The following NEMP2 variants were observed in gnomAD, a reference collection of about 807,000 sequenced individuals.
NEMP2 encodes nuclear envelope integral membrane protein 2.
In NEMP2, 53 loss-of-function variants were observed where a neutral mutation model predicts 54.2. That is an observed-to-expected ratio of 0.98 (90% CI 0.78 to 1.23). The LOEUF (loss-of-function observed/expected upper bound fraction) is 1.23, where lower values mean the gene tolerates loss of function less well. Ranked by LOEUF, NEMP2 falls within the 50% of genes most tolerant of loss-of-function variation. The pLI, the probability that NEMP2 is intolerant of heterozygous loss-of-function variation, is 0.00. For synonymous variants in NEMP2, 197 were observed against 190.3 expected, an observed-to-expected ratio of 1.04 and a Z score of -0.29; for missense variants, 455 against 511.3, an observed-to-expected ratio of 0.89 and a Z score of 1.06.
At chr2:190,619,074 G>C in the NEMP2 span, among the ~76,000 whole-genome samples, 2 of 152,112 alleles carry the variant, frequency 1.3e-5, no homozygotes, top group Non-Finnish European at 2.9e-5. This position sits in a 1 kb window ranked among gnomAD's most constrained non-coding sequence, Gnocchi z 5.5. Context: ...AGCAGAATTG[G>C]ACTTGCTATT....
At chr2:190,429,227 C>CAT in the NEMP2 span, among the ~76,000 whole-genome samples, 4 of 148,912 alleles carry the variant, frequency 2.7e-5, no homozygotes, top group Admixed American at 2.7e-4. Context: ...TCTTTTGTTA[C>CAT]GTGTGTGTGT....
Position 190,509,308 on chromosome 2 carries a change from C to CA in NEMP2, c.1134dup (p.Ala379CysfsTer13). ...TGGCTTCCTCCAAGAACAAAGTCTG[C>CA]AAATCTAACAAGTTTTTTGTTTTAA... On this transcript the variant is annotated frameshift_variant, in exon 9 of 9. Coordinates refer to ENST00000409150, the MANE Select transcript of NEMP2 (RefSeq NM_001142645.2). LOFTEE classifies it high-confidence loss of function. This position sits in a 1 kb window ranked among gnomAD's most constrained non-coding sequence, Gnocchi z 6.1. 1 of 1,551,530 alleles carries CA rather than the reference C, an allele frequency of 6.4e-7. No individual in the cohort carries two copies. The highest frequency in any genetic ancestry group is 8.7e-7 in the Non-Finnish European group (1 of 1,146,922).
chr2:190,602,082 C>T, the NEMP2 span, among the ~76,000 whole-genome samples: 1 of 152,092 alleles, frequency 6.6e-6, no homozygotes, highest in African/African-American at 2.4e-5. Context: ...ATGTATTAGT[C>T]AGGGTTCTCT....
At chr2:190,483,057 A>C in the NEMP2 span, among the ~76,000 whole-genome samples, 1 of 148,198 alleles carries the variant, frequency 6.7e-6, no homozygotes, top group Non-Finnish European at 1.5e-5. Flanking sequence ...GCGCCCGGCT[A>C]ATTTTTTTGT....
At chr2:190,429,227 CGTGTGT>C in the NEMP2 span, among the ~76,000 whole-genome samples, 10 of 148,912 alleles carry the variant, frequency 6.7e-5, no homozygotes, top group East Asian at 1.4e-3. Context: ...TCTTTTGTTA[CGTGTGT>C]GTGTGTGTGT....
At chr2:190,540,922 G>A in the NEMP2 span, among the ~76,000 whole-genome samples, 2 of 151,902 alleles carry the variant, frequency 1.3e-5, no homozygotes, top group African/African-American at 2.4e-5. Context: ...CATTGGTTTG[G>A]TGAGGTTTTT....
the NEMP2 span, among the ~76,000 whole-genome samples, chr2:190,594,143 T>C: frequency 6.6e-6 from 1 of 152,222 alleles, no homozygotes; most frequent in Non-Finnish European, 1.5e-5. This position sits in a 1 kb window ranked among gnomAD's most constrained non-coding sequence, Gnocchi z 5.6. Context: ...TATAGTGAGC[T>C]TGAACTCATC....
At chr2:190,472,689 C>G in the NEMP2 span, among the ~76,000 whole-genome samples, 1 of 152,058 alleles carries the variant, frequency 6.6e-6, no homozygotes, top group Non-Finnish European at 1.5e-5. Context: ...GAGAACTTCC[C>G]CAATCTAGCA....
the NEMP2 span, among the ~76,000 whole-genome samples, chr2:190,620,724 T>G: frequency 2.0e-5 from 3 of 152,240 alleles, no homozygotes; most frequent in Non-Finnish European, 4.4e-5. The surrounding 1 kb of genome is among the most constrained non-coding windows in gnomAD (Gnocchi z 4.9). Context: ...AGGCCCACTC[T>G]TGTTACTTTT....
the NEMP2 span, among the ~76,000 whole-genome samples, chr2:190,449,360 G>T: frequency 1.3e-5 from 2 of 152,130 alleles, no homozygotes; most frequent in Non-Finnish European, 2.9e-5. Context: ...TGTAGTCCCA[G>T]CTACTTGGGA....
At chr2:190,425,838 T>G in the NEMP2 span, among the ~76,000 whole-genome samples, 1 of 152,204 alleles carries the variant, frequency 6.6e-6, no homozygotes, top group African/African-American at 2.4e-5. The surrounding 1 kb of genome is among the most constrained non-coding windows in gnomAD (Gnocchi z 4.3). Context: ...TTTCTGGATA[T>G]AGCATTCTGC....
chr2:190,620,448 AAAAC>A, the NEMP2 span: 1 of 152,240 alleles, frequency 6.6e-6, no homozygotes, highest in African/African-American at 2.4e-5. The surrounding 1 kb of genome is among the most constrained non-coding windows in gnomAD (Gnocchi z 4.9). Flanking sequence ...AAAACAAAAC[AAAAC>A]AAACAAAAAA....
the NEMP2 span, among the ~76,000 whole-genome samples, chr2:190,476,777 C>A: frequency 1.4e-4 from 22 of 152,180 alleles, no homozygotes; most frequent in East Asian, 4.2e-3. Context: ...CAGCACTATT[C>A]ACAATAGCAA....
the NEMP2 span, among the ~76,000 whole-genome samples, chr2:190,591,465 C>G: frequency 6.6e-6 from 1 of 152,072 alleles, no homozygotes; most frequent in Non-Finnish European, 1.5e-5. The surrounding 1 kb of genome is among the most constrained non-coding windows in gnomAD (Gnocchi z 5.4). Flanking sequence ...ATAATGCTAG[C>G]TTGCTCTGCG....
chr2:190,464,142 G>C, the NEMP2 span, among the ~76,000 whole-genome samples: 1 of 152,206 alleles, frequency 6.6e-6, no homozygotes. Flanking sequence ...ATGCATTGGT[G>C]TGCGTGCATC....
the NEMP2 span, among the ~76,000 whole-genome samples, chr2:190,543,818 T>C: frequency 6.6e-6 from 1 of 152,240 alleles, no homozygotes; most frequent in South Asian, 2.1e-4. The surrounding 1 kb of genome is among the most constrained non-coding windows in gnomAD (Gnocchi z 4.7). Context: ...GTGAAAAAGA[T>C]GACAATTCAA....
At chr2:190,629,657 A>G in the NEMP2 span, 2 of 152,212 alleles carry the variant, frequency 1.3e-5, no homozygotes, top group African/African-American at 4.8e-5. Flanking sequence ...TGTGAGTTAA[A>G]ACTCATCTTG....
In NEMP2 at chr2:190,514,503, C is replaced by T. The variant is rs745692404; in HGVS notation, c.903G>A (p.Met301Ile). 71 of 1,551,552 alleles carry T rather than the reference C, an allele frequency of 4.6e-5. No individual in the cohort carries two copies. Among genetic ancestry groups the T allele is most frequent in the Non-Finnish European group, 6.1e-5 (70 of 1,147,014 alleles). The change falls in exon 7 of 9, where the codon ATG (methionine) becomes ATA (isoleucine). Residue 301 changes from methionine to isoleucine, a missense_variant. Around this residue, in one of 3 missense-constraint regions of NEMP2, gnomAD observed 294 missense variants for 333.6 expected, o/e 0.88. Coordinates refer to ENST00000409150, the MANE Select transcript of NEMP2 (RefSeq NM_001142645.2). The surrounding 1 kb of genome is among the most constrained non-coding windows in gnomAD (Gnocchi z 5.7). Reference protein sequence around the residue: ...QFAYAAIILLMSSWSLHYPLR... With the variant: ...QFAYAAIILLISSWSLHYPLR... ...GTGGGTAGTGCAGACTCCAGGAGGA[C>T]ATGAGGAGGATTATGGCTGCATAGG... is the stretch of plus-strand genomic sequence containing the variant.
the NEMP2 span, among the ~76,000 whole-genome samples, chr2:190,483,197 T>A: frequency 6.6e-6 from 1 of 152,002 alleles, no homozygotes; most frequent in Non-Finnish European, 1.5e-5. Flanking sequence ...CGGCCGACTA[T>A]CATCTTTTAA....
Sources: allele counts gnomAD v4.1 joint callset (sites outside exome capture counted in the v4.1 genomes callset), GRCh38; gene constraint gnomAD v4.1.1; regional missense constraint gnomAD v4.1.1; non-coding constraint Gnocchi (gnomAD v3.1); transcripts MANE v1.5; gene names NCBI Gene and HGNC (gene_info 2026-07-23, HGNC 2026-07-21).